PRPS1: variants seen among roughly 807,000 people sequenced by gnomAD.
PRPS1 encodes phosphoribosyl pyrophosphate synthetase 1.
A neutral mutation model predicts 16.9 loss-of-function variants in PRPS1; 1 was observed. The observed-to-expected ratio is 0.06, with a 90% CI of 0.02 to 0.28. The LOEUF is 0.28. PRPS1 is among the 10% of genes least tolerant of loss of function. PRPS1 has a pLI of 1.00. For missense variants in PRPS1, 47 were observed against 254.0 expected (o/e 0.19, Z 5.54); for synonymous variants, 70 against 90.2 (o/e 0.78, Z 1.27).
At chrX:107,641,265 G>T (rs1325843615) in intron 3 of PRPS1, 1 of 652,121 alleles carries the variant, frequency 1.5e-6, no homozygotes, top group Non-Finnish European at 2.3e-6. Context: ...GCTTGGGAAG[G>T]TTACTTAATT....
In PRPS1 at chrX:107,628,511, A is replaced by C; in HGVS notation, c.-118A>C. On this transcript the variant is annotated 5_prime_UTR_variant, in exon 1 of 7. It removes an upstream start codon present in the reference 5' UTR. Coordinates refer to ENST00000372435, the MANE Select transcript of PRPS1 (RefSeq NM_002764.4). Reference sequence around the variant, plus strand: ...ATTTAGAGCCGCGCGCCGGGCGGGAATGTAAGATGGCGGAGTAGCAACGCA... The same window carrying C: ...ATTTAGAGCCGCGCGCCGGGCGGGACTGTAAGATGGCGGAGTAGCAACGCA... 22 of 1,140,546 alleles carry C rather than the reference A, an allele frequency of 1.9e-5. No individual in the cohort carries two copies. Among genetic ancestry groups the C allele is most frequent in the Non-Finnish European group, 2.6e-5 (22 of 837,538 alleles). The allele number at this position is 1,140,546 out of a possible 1,213,427, so 94.0% of individuals were successfully genotyped here. A position where few individuals can be genotyped will look rare whatever the true frequency, so the allele number is the denominator to read the frequency against.
chrX:107,634,257 C>G (rs932679187), intron 1 of PRPS1, among the ~76,000 whole-genome samples: 1 of 110,272 alleles, frequency 9.1e-6, no homozygotes, highest in African/African-American at 3.3e-5. Flanking sequence ...CTCTGTCTCC[C>G]AGGCTGGAGT....
At chrX:107,643,088 G>A (rs1894537134) in intron 4 of PRPS1, among the ~76,000 whole-genome samples, 1 of 112,358 alleles carries the variant, frequency 8.9e-6, no homozygotes, top group Non-Finnish European at 1.9e-5. Flanking sequence ...TCAAAAGTGT[G>A]ACACATGTTC....
At chrX:107,631,085 A>G (rs1925298622) in intron 1 of PRPS1, among the ~76,000 whole-genome samples, 1 of 112,231 alleles carries the variant, frequency 8.9e-6, no homozygotes, top group East Asian at 2.8e-4. Context: ...GACCTCCCAG[A>G]TATTTGTGTA....
rs1409020609 is a variant in PRPS1 at position 107,650,226 on chromosome X, T to G, written c.*194T>G. The stretch of plus-strand genomic sequence containing the variant: ...TAACTGCTGGGACCTCCTACCTGCA[T>G]TATCTCATTCTGGCTTCCTTGATAA... On this transcript the variant is annotated 3_prime_UTR_variant, in exon 7 of 7. Coordinates refer to ENST00000372435, the MANE Select transcript of PRPS1 (RefSeq NM_002764.4). 9 of 745,128 alleles carry G rather than the reference T, an allele frequency of 1.2e-5. No homozygotes were observed. The East Asian group carries it at 3.3e-4, about 27-fold the overall frequency. 61.4% of individuals were successfully genotyped at this position (745,128 alleles called of 1,213,427 possible). A position where few individuals can be genotyped will look rare whatever the true frequency, so the allele number is the denominator to read the frequency against.
At position 107,650,167 on chromosome X, in the gene PRPS1, A is replaced by G; in HGVS notation, c.*135A>G. Reference sequence around the variant, plus strand: ...CTACATCCCACATCAGGTATATTAGAGCTTATCCGAACTGGGGAAAGACGG... The same window carrying G: ...CTACATCCCACATCAGGTATATTAGGGCTTATCCGAACTGGGGAAAGACGG... On this transcript the variant is annotated 3_prime_UTR_variant, in exon 7 of 7. Coordinates refer to ENST00000372435, the MANE Select transcript of PRPS1 (RefSeq NM_002764.4). 1 of 1,099,225 alleles carries G rather than the reference A, an allele frequency of 9.1e-7. No individual in the cohort carries two copies. The highest frequency in any genetic ancestry group is 3.5e-4 in the Middle Eastern group (1 of 2,869). 90.6% of individuals were successfully genotyped at this position (1,099,225 alleles called of 1,213,427 possible).
Position 107,650,195 on chromosome X carries a change from T to C in PRPS1, c.*163T>C. On this transcript the variant is annotated 3_prime_UTR_variant, in exon 7 of 7. Coordinates refer to ENST00000372435, the MANE Select transcript of PRPS1 (RefSeq NM_002764.4). ...TTATCCGAACTGGGGAAAGACGGAT[T>C]GAGATTAACTGCTGGGACCTCCTAC... 1.0e-6 allele frequency: 1 copy of C among 952,505 alleles called. No individual in the cohort carries two copies. Among genetic ancestry groups the C allele is most frequent in the East Asian group, 3.4e-5 (1 of 29,376 alleles). The allele number at this position is 952,505 out of a possible 1,213,427, so 78.5% of individuals were successfully genotyped here. A position where few individuals can be genotyped will look rare whatever the true frequency, so the allele number is the denominator to read the frequency against.
chrX:107,634,940 C>T (rs1418666769), intron 1 of PRPS1, among the ~76,000 whole-genome samples: 4 of 108,576 alleles, frequency 3.7e-5, no homozygotes, highest in Non-Finnish European at 5.7e-5. Context: ...CCCAGGTTCA[C>T]GCCATTCCCC....
At chrX:107,639,176 T>C (rs1433568217) in intron 1 of PRPS1, 119 bp from the exon 2 acceptor site, 3 of 896,891 alleles carry the variant, frequency 3.3e-6, no homozygotes, top group African/African-American at 3.9e-5. Context: ...TGCAATTTTT[T>C]CTCCAAATAT....
In PRPS1 at chrX:107,639,278, T is replaced by G; in HGVS notation, c.123-17T>G. 1.7e-6 allele frequency: 2 copies of G among 1,207,019 alleles called. No individual in the cohort carries two copies. The highest frequency in any genetic ancestry group is 2.2e-6 in the Non-Finnish European group (2 of 891,009). On this transcript the variant is annotated splice_polypyrimidine_tract_variant and intron_variant, in intron 1 of 6. Transcript: ENST00000372435. ...TGGTTTAAAATCTATTTCATGTTCT[T>G]TCTTTCCTCATTGTAGTGTGGAAAT...
intron 1 of PRPS1, among the ~76,000 whole-genome samples, chrX:107,634,609 G>T (rs1204936356): frequency 9.1e-6 from 1 of 109,828 alleles, no homozygotes; most frequent in Non-Finnish European, 1.9e-5. Context: ...TCGATTATGT[G>T]GTTTTTATTT....
At chrX:107,649,485 C>T (rs747064863) in intron 6 of PRPS1, among the ~76,000 whole-genome samples, 2 of 111,727 alleles carry the variant, frequency 1.8e-5, no homozygotes, top group East Asian at 5.7e-4. Flanking sequence ...GACAGAGTCT[C>T]GCTCTGTCAC....
At chrX:107,641,757 A>T (rs1258885497) in intron 3 of PRPS1, among the ~76,000 whole-genome samples, 1 of 112,225 alleles carries the variant, frequency 8.9e-6, no homozygotes, top group African/African-American at 3.2e-5. Flanking sequence ...ATATTTTTTC[A>T]AAGAGATTTT....
At chrX:107,645,789 C>T (rs1368153271) in intron 5 of PRPS1, among the ~76,000 whole-genome samples, 6 of 111,205 alleles carry the variant, frequency 5.4e-5, no homozygotes, top group Admixed American at 9.6e-5. Context: ...AAGCCGGAAC[C>T]CTTGGTCTTA....
chrX:107,646,013 G>A (rs1382532694), intron 5 of PRPS1, among the ~76,000 whole-genome samples: 1 of 110,795 alleles, frequency 9.0e-6, no homozygotes, highest in Non-Finnish European at 1.9e-5. Flanking sequence ...ACTGAGGCTC[G>A]ATCCCATCAC....
rs377525200 is a variant in PRPS1, at chrX:107,642,508, A to G, written c.530+18A>G. 12 of 1,208,932 alleles carry G rather than the reference A, an allele frequency of 9.9e-6. No homozygotes were observed. In the African/African-American group the frequency reaches 1.4e-4, roughly 14 times the overall value. ...GCTAAGAGGTATGGTTGAAATTAGT[A>G]TTGTTCCCAATGTACTGGGAAAATC... is the stretch of plus-strand genomic sequence containing the variant. On this transcript the variant is annotated intron_variant, in intron 4 of 6. Coordinates refer to ENST00000372435, the MANE Select transcript of PRPS1 (RefSeq NM_002764.4).
At chrX:107,638,698 G>A (rs1480130958) in intron 1 of PRPS1, among the ~76,000 whole-genome samples, 2 of 110,781 alleles carry the variant, frequency 1.8e-5, no homozygotes, top group Non-Finnish European at 3.8e-5. Flanking sequence ...CCAAAGTGCT[G>A]AGCCACCATG....
At chrX:107,635,725 C>G (rs1267841110) in intron 1 of PRPS1, among the ~76,000 whole-genome samples, 3 of 110,751 alleles carry the variant, frequency 2.7e-5, no homozygotes, top group Non-Finnish European at 5.7e-5. Flanking sequence ...CTAAAAGTGA[C>G]TCTTTTAGCT....
At chrX:107,644,817 CT>C (rs1338421417) in intron 4 of PRPS1, among the ~76,000 whole-genome samples, 21 of 106,558 alleles carry the variant, frequency 2.0e-4, no homozygotes, top group Non-Finnish European at 2.9e-4. Context: ...TTCTTTTTTT[CT>C]TTTTTTTTTG....
Sources: gnomAD v4.1 joint callset for allele counts (sites outside exome capture counted in the v4.1 genomes callset) on GRCh38, gnomAD v4.1.1 for gene constraint, MANE v1.5 for transcripts, NCBI Gene and HGNC (gene_info 2026-07-23, HGNC 2026-07-21) for gene names.